The following P3H2 variants were observed in gnomAD, a reference collection of about 807,000 sequenced individuals.
The protein encoded by P3H2 is leprecan-like 1.
P3H2 carries 80 observed loss-of-function variants against 87.0 expected under a neutral mutation model. The ratio of observed to expected loss-of-function variants is 0.92; its 90% confidence interval spans 0.77 to 1.11. The LOEUF (loss-of-function observed/expected upper bound fraction) is 1.11. Among genes scored for constraint, P3H2 ranks in the 50% least tolerant of loss-of-function variants. The pLI is 0.00. For synonymous variants in P3H2, 367 were observed against 359.3 expected (o/e 1.02, Z -0.24); for missense variants, 1,001 against 923.9 (o/e 1.08, Z -1.08).
intron 1 of P3H2, among the ~76,000 whole-genome samples, chr3:190,101,132 A>G (rs1294757922): frequency 6.6e-6 from 1 of 151,864 alleles, no homozygotes; most frequent in Admixed American, 6.6e-5. Context: ...TCATCAACTC[A>G]CCATTCACCT....
At chr3:189,970,695 T>C (rs1723151251) in intron 13 of P3H2, 121 bp downstream of exon 13, 4 of 694,610 alleles carry the variant, frequency 5.8e-6, no homozygotes, top group Non-Finnish European at 7.9e-6. Context: ...TGAAACTCTC[T>C]TAACCTCTTG....
intron 1 of P3H2, among the ~76,000 whole-genome samples, chr3:190,116,923 A>G (rs1397237545): frequency 6.6e-6 from 1 of 151,428 alleles, no homozygotes; most frequent in Non-Finnish European, 1.5e-5. Flanking sequence ...TCAACAGAGC[A>G]AGGCTCATGA....
intron 1 of P3H2, among the ~76,000 whole-genome samples, chr3:190,087,543 CAAAAAAAAAAA>C (rs1275653964): frequency 1.5e-5 from 1 of 68,926 alleles, no homozygotes; most frequent in Non-Finnish European, 2.8e-5. Flanking sequence ...GACTACATCT[CAAAAAAAAAAA>C]AAAAAAAAAC....
At chr3:190,103,275 C>T (rs1472623584) in intron 1 of P3H2, among the ~76,000 whole-genome samples, 4 of 152,134 alleles carry the variant, frequency 2.6e-5, no homozygotes, top group African/African-American at 7.2e-5. Context: ...GTTTCCATCA[C>T]GTGCAAGACT....
intron 8 of P3H2, among the ~76,000 whole-genome samples, chr3:189,980,218 T>C (rs1723487723): frequency 6.6e-6 from 1 of 152,176 alleles, no homozygotes; most frequent in East Asian, 1.9e-4. Context: ...AGCTGAAGTA[T>C]ACTCTATTCT....
At chr3:189,972,617 T>C (rs1448504641) in intron 11 of P3H2, among the ~76,000 whole-genome samples, 2 of 152,312 alleles carry the variant, frequency 1.3e-5, no homozygotes, top group East Asian at 3.9e-4. Context: ...AAAGCATTTT[T>C]TTTTCCCAAG....
intron 14 of P3H2, among the ~76,000 whole-genome samples, chr3:189,961,060 C>A (rs1238368308): frequency 1.3e-5 from 2 of 152,150 alleles, no homozygotes; most frequent in East Asian, 3.9e-4. Flanking sequence ...CCTGCCTCAG[C>A]CTCCCCAGTA....
At position 190,041,777 on chromosome 3, in the gene P3H2, C is replaced by A. The variant is rs192609035; in HGVS notation, c.481-46335G>T. ...AAATTTTTAATTTTTTACACAAAGG[C>A]AATTTTTAATTTTTAAGTGAAAAAC... On this transcript the variant is annotated intron_variant, in intron 1 of 14. Transcript: ENST00000319332. Among the ~76,000 whole-genome samples, 1,138 of 152,154 alleles carry A rather than the reference C, an allele frequency of 7.5e-3. 45 individuals carry two copies. The highest frequency in any genetic ancestry group is 0.069 in the Admixed American group (1,058 of 15,278).
intron 1 of P3H2, among the ~76,000 whole-genome samples, chr3:190,074,533 A>C (rs1028698046): frequency 1.3e-5 from 2 of 152,070 alleles, no homozygotes; most frequent in African/African-American, 2.4e-5. Context: ...ATAAAGTAAA[A>C]TACTATGATT....
chr3:190,068,321 A>T (rs1726580277), intron 1 of P3H2, among the ~76,000 whole-genome samples: 1 of 152,206 alleles, frequency 6.6e-6, no homozygotes, highest in Admixed American at 6.5e-5. Context: ...GAAGCCTGGG[A>T]AATCTACCTT....
At chr3:190,022,896 G>T (rs545962065) in intron 1 of P3H2, among the ~76,000 whole-genome samples, 1 of 151,846 alleles carries the variant, frequency 6.6e-6, no homozygotes, top group Non-Finnish European at 1.5e-5. Flanking sequence ...GCGCGATCTC[G>T]GCTCACTGCA....
intron 1 of P3H2, among the ~76,000 whole-genome samples, chr3:190,114,696 C>A (rs908052698): frequency 6.6e-6 from 1 of 152,084 alleles, no homozygotes; most frequent in Non-Finnish European, 1.5e-5. Flanking sequence ...AGATGGTGAC[C>A]TGTAAGTTTT....
Position 190,030,552 on chromosome 3 carries a change from T to A in P3H2, c.481-35110A>T, listed in dbSNP as rs1324648851. ...GCCTCGGCAAGAGAGTGAGACCCTG[T>A]CTCAAATAAATAAGTAATTAAATGA... On this transcript the variant is annotated intron_variant, in intron 1 of 14. Transcript: ENST00000319332. Among the ~76,000 whole-genome samples, 18 of 152,162 alleles carry A rather than the reference T, an allele frequency of 1.2e-4. 1 individual carries two copies. Among genetic ancestry groups the A allele is most frequent in the Admixed American group, 1.2e-3 (18 of 15,272 alleles).
chr3:190,092,640 A>G (rs1727444682), intron 1 of P3H2, among the ~76,000 whole-genome samples: 1 of 152,218 alleles, frequency 6.6e-6, no homozygotes, highest in South Asian at 2.1e-4. Flanking sequence ...TCTTTCGGGA[A>G]GCTGGGATCT....
In P3H2 at chr3:190,019,581, A is replaced by G. The variant is rs1475292376; in HGVS notation, c.481-24139T>C. On this transcript the variant is annotated intron_variant, in intron 1 of 14. Transcript: ENST00000319332. ...CTCATTATCGTTTCTATTACCATTAATTTTGCACATTTTAATAGTAAGAAG... is the reference window on the plus strand; with the variant it reads ...CTCATTATCGTTTCTATTACCATTAGTTTTGCACATTTTAATAGTAAGAAG... Among the ~76,000 whole-genome samples, 3 of 78,016 alleles carry G rather than the reference A, an allele frequency of 3.8e-5. 1 individual carries two copies. Among genetic ancestry groups the G allele is most frequent in the Non-Finnish European group, 9.5e-5 (3 of 31,628 alleles). The allele number at this position is 78,016 out of a possible 152,430, so 51.2% of individuals were successfully genotyped here.
At chr3:189,969,584 G>C (rs1490237321) in intron 13 of P3H2, 1 of 1,274,304 alleles carries the variant, frequency 7.8e-7, no homozygotes, top group African/African-American at 1.5e-5. Flanking sequence ...GCCACAAGCT[G>C]TGGTCCCTAT....
At chr3:190,009,448 T>C (rs1375314773) in intron 1 of P3H2, among the ~76,000 whole-genome samples, 3 of 152,152 alleles carry the variant, frequency 2.0e-5, no homozygotes, top group Non-Finnish European at 2.9e-5. Context: ...ACCCTACTCC[T>C]TCCAACCAGT....
intron 13 of P3H2, among the ~76,000 whole-genome samples, chr3:189,968,586 T>A (rs929857851): frequency 6.6e-6 from 1 of 152,222 alleles, no homozygotes; most frequent in Non-Finnish European, 1.5e-5. Flanking sequence ...GTAGAATGAT[T>A]TATAATCCTT....
intron 1 of P3H2, among the ~76,000 whole-genome samples, chr3:190,025,233 C>T (rs920164669): frequency 2.6e-5 from 4 of 151,986 alleles, no homozygotes; most frequent in Non-Finnish European, 5.9e-5. Context: ...TAATTTCCCT[C>T]AGAGACCGTA....
Sources: gnomAD v4.1 joint callset for allele counts (sites outside exome capture counted in the v4.1 genomes callset) on GRCh38, gnomAD v4.1.1 for gene constraint, MANE v1.5 for transcripts, NCBI Gene and HGNC (gene_info 2026-07-23, HGNC 2026-07-21) for gene names.